Variants in TAMM41 observed in about 807,000 individuals in gnomAD.
TAMM41 encodes the protein TAM41 mitochondrial translocator assembly and maintenance homolog, also known as phosphatidate cytidylyltransferase, mitochondrial.
TAMM41 carries 36 observed loss-of-function variants against 44.1 expected under a neutral mutation model. The observed-to-expected ratio is 0.82, with a 90% confidence interval of 0.63 to 1.08. The LOEUF (loss-of-function observed/expected upper bound fraction) is 1.08. Ranked by LOEUF, TAMM41 falls within the 50% of genes least tolerant of loss-of-function variation. TAMM41 has a pLI of 0.00. For missense variants in TAMM41, 417 were observed against 404.3 expected, an observed-to-expected ratio of 1.03 and a Z score of -0.27; for synonymous variants, 164 against 153.1, an observed-to-expected ratio of 1.07 and a Z score of -0.53.
At chr3:11,805,728 G>A (rs114959171) in intron 7 of TAMM41, among the ~76,000 whole-genome samples, 2,186 of 152,294 alleles carry the variant, frequency 0.014, 60 homozygotes, top group African/African-American at 0.05. Flanking sequence ...TAGGTTGAAA[G>A]ATCACTCCCC....
At chr3:11,769,589 C>A in the TAMM41 span, among the ~76,000 whole-genome samples, 3 of 152,180 alleles carry the variant, frequency 2.0e-5, no homozygotes, top group African/African-American at 7.2e-5. Context: ...AAGAACCCGG[C>A]TGTGTTCTAA....
chr3:11,817,299 CTTTTGTTTTAT>C lies in TAMM41; in HGVS notation c.590_600del (p.Asp197GlyfsTer29). 1 of 1,612,382 alleles carries C rather than the reference CTTTTGTTTTAT, an allele frequency of 6.2e-7. No individual in the cohort carries two copies. Among genetic ancestry groups the C allele is most frequent in the Non-Finnish European group, 8.5e-7 (1 of 1,178,542 alleles). On this transcript the variant is annotated frameshift_variant, in exon 5 of 8. Coordinates refer to ENST00000455809, the MANE Select transcript of TAMM41 (RefSeq NM_001284401.2). LOFTEE classifies it high-confidence loss of function. ...ATATTGGGCTTCACAATATTCAACACTTTTGTTTTATCTTCTCCAACCACCATCCGAAAGTC... is the reference window on the plus strand; with the variant it reads ...ATATTGGGCTTCACAATATTCAACACCTTCTCCAACCACCATCCGAAAGTC...
At chr3:11,845,489 C>G (rs1559336982) in intron 1 of TAMM41, among the ~76,000 whole-genome samples, 1 of 152,066 alleles carries the variant, frequency 6.6e-6, no homozygotes, top group Non-Finnish European at 1.5e-5. Context: ...CTCTACAGAC[C>G]ACTGGGGACA....
the TAMM41 span, among the ~76,000 whole-genome samples, chr3:11,785,194 G>A: frequency 7.2e-5 from 11 of 152,120 alleles, no homozygotes; most frequent in Non-Finnish European, 1.6e-4. Flanking sequence ...CTCACCAGCT[G>A]GCTTTCTATT....
intron 4 of TAMM41, among the ~76,000 whole-genome samples, chr3:11,824,357 ATTTTT>A (rs34155955): frequency 1.9e-5 from 2 of 105,132 alleles, no homozygotes; most frequent in African/African-American, 7.6e-5. Context: ...TGCCTGGCTA[ATTTTT>A]TTTTTTTTTT....
the TAMM41 span, among the ~76,000 whole-genome samples, chr3:11,776,496 C>T: frequency 1.3e-5 from 2 of 152,084 alleles, no homozygotes; most frequent in African/African-American, 4.8e-5. Flanking sequence ...ACACACAGTG[C>T]TCACCACTGT....
chr3:11,738,817 A>G, the TAMM41 span, among the ~76,000 whole-genome samples: 1 of 152,202 alleles, frequency 6.6e-6, no homozygotes, highest in African/African-American at 2.4e-5. Flanking sequence ...CGTCCCACAC[A>G]TACTCAGTGG....
chr3:11,761,392 C>T, the TAMM41 span, among the ~76,000 whole-genome samples: 1 of 152,040 alleles, frequency 6.6e-6, no homozygotes. Context: ...CTAGCAGTTT[C>T]TAGTTGCCTC....
intron 4 of TAMM41, among the ~76,000 whole-genome samples, chr3:11,826,235 G>C (rs988507551): frequency 6.6e-6 from 1 of 152,158 alleles, no homozygotes; most frequent in Non-Finnish European, 1.5e-5. Flanking sequence ...CTATTAATGA[G>C]ATAAGATGCT....
the TAMM41 span, among the ~76,000 whole-genome samples, chr3:11,746,618 A>T: frequency 6.7e-6 from 1 of 149,796 alleles, no homozygotes; most frequent in East Asian, 1.9e-4. Flanking sequence ...CAGAGGCTAT[A>T]TATTCTAGGA....
the TAMM41 span, among the ~76,000 whole-genome samples, chr3:11,760,572 G>T: frequency 4.0e-5 from 6 of 149,838 alleles, no homozygotes; most frequent in African/African-American, 1.5e-4. Context: ...GTTTTGTTTT[G>T]TTTTTTGAGA....
the TAMM41 span, among the ~76,000 whole-genome samples, chr3:11,758,374 C>T: frequency 5.9e-5 from 9 of 151,980 alleles, no homozygotes; most frequent in African/African-American, 9.7e-5. Context: ...TTTTTTGAGA[C>T]GGAGTCTCGC....
chr3:11,737,562 C>T, the TAMM41 span, among the ~76,000 whole-genome samples: 59,716 of 151,722 alleles, frequency 0.39, 12,322 homozygotes, highest in Middle Eastern at 0.59. Flanking sequence ...TCAGGTGATC[C>T]GCCCGCCTTG....
Position 11,846,838 on chromosome 3 carries a change from G to C in TAMM41, c.-202C>G. On this transcript the variant is annotated 5_prime_UTR_variant, in exon 1 of 8. Transcript: ENST00000455809. Reference sequence around the variant, plus strand: ...CGAAGAGCAGCGGCGAGAAGACGCAGCCCAGATAGGCTCGGGTGGGCGGCG... The same window carrying C: ...CGAAGAGCAGCGGCGAGAAGACGCACCCCAGATAGGCTCGGGTGGGCGGCG... The C allele has an allele frequency of 1.6e-6, 1 of 634,022 alleles. No individual in the cohort carries two copies. The highest frequency in any genetic ancestry group is 2.7e-6 in the Non-Finnish European group (1 of 373,064). The allele number at this position is 634,022 out of a possible 1,614,324, so 39.3% of individuals were successfully genotyped here.
the TAMM41 span, among the ~76,000 whole-genome samples, chr3:11,746,901 A>G: frequency 6.6e-6 from 1 of 152,064 alleles, no homozygotes; most frequent in South Asian, 2.1e-4. Flanking sequence ...CTCCCAATGC[A>G]CTGGGATTAT....
intron 7 of TAMM41, among the ~76,000 whole-genome samples, chr3:11,797,299 A>C (rs980580486): frequency 6.6e-6 from 1 of 152,206 alleles, no homozygotes; most frequent in African/African-American, 2.4e-5. Context: ...AAAAACAGAC[A>C]CATAGACCAA....
At chr3:11,798,159 A>G (rs1333909965) in intron 7 of TAMM41, among the ~76,000 whole-genome samples, 1 of 152,224 alleles carries the variant, frequency 6.6e-6, no homozygotes, top group Admixed American at 6.5e-5. Context: ...TACATACCCA[A>G]AGGAATATAA....
chr3:11,833,611 C>G (rs2079068072), intron 3 of TAMM41, among the ~76,000 whole-genome samples: 1 of 152,174 alleles, frequency 6.6e-6, no homozygotes, highest in Non-Finnish European at 1.5e-5. Flanking sequence ...CGAGGACAAG[C>G]AACATGATAT....
chr3:11,822,068 T>C (rs763325038), intron 4 of TAMM41, among the ~76,000 whole-genome samples: 1 of 152,210 alleles, frequency 6.6e-6, no homozygotes, highest in Non-Finnish European at 1.5e-5. Context: ...TATCTCATTA[T>C]ATATGTGCAA....
Sources: gnomAD v4.1 joint callset for allele counts (sites outside exome capture counted in the v4.1 genomes callset) on GRCh38, gnomAD v4.1.1 for gene constraint, MANE v1.5 for transcripts, NCBI Gene and HGNC (gene_info 2026-07-23, HGNC 2026-07-21) for gene names.